The following PLXNA4 variants were observed in gnomAD, a reference collection of about 807,000 sequenced individuals.
PLXNA4 encodes plexin-A4.
In PLXNA4, 44 loss-of-function variants were observed where a neutral mutation model predicts 191.8. The ratio of observed to expected loss-of-function variants is 0.23; its 90% CI spans 0.18 to 0.29. The LOEUF (loss-of-function observed/expected upper bound fraction) is 0.29, where lower values mean the gene tolerates loss of function less well. Ranked by LOEUF, PLXNA4 falls within the 10% of genes least tolerant of loss-of-function variation. PLXNA4 has a pLI of 1.00. For synonymous variants in PLXNA4, 1,082 were observed against 1,009.5 expected, an observed-to-expected ratio of 1.07 and a Z score of -1.36; for missense variants, 1,800 against 2,488.8, an observed-to-expected ratio of 0.72 and a Z score of 5.89.
At chr7:132,157,841 C>T (rs1049511345) in intron 25 of PLXNA4, among the ~76,000 whole-genome samples, 1 of 152,210 alleles carries the variant, frequency 6.6e-6, no homozygotes, top group African/African-American at 2.4e-5. Context: ...ACGTGGGGAA[C>T]ACAAAAATCC....
intron 10 of PLXNA4, among the ~76,000 whole-genome samples, chr7:132,208,917 C>A (rs1797712080): frequency 6.6e-6 from 1 of 152,166 alleles, no homozygotes; most frequent in Non-Finnish European, 1.5e-5. Context: ...GATTTCACAC[C>A]CACGTTCGGG....
chr7:132,443,101 C>A (rs1000813391), intron 3 of PLXNA4, among the ~76,000 whole-genome samples: 2 of 152,208 alleles, frequency 1.3e-5, no homozygotes, highest in Non-Finnish European at 2.9e-5. Flanking sequence ...TCAGACCTCT[C>A]CATGCTTTTC....
chr7:132,623,773 G>C lies in PLXNA4; in HGVS notation c.-87+22155C>G, dbSNP rs114192081. On this transcript the variant is annotated intron_variant, in intron 2 of 4. Coordinates refer to the PLXNA4 transcript ENST00000378539. ...TACAGGTGACCCATCCAAAAGTCTA[G>C]CAGGAAGCAACCCCCAGGTTGTACA... Among the ~76,000 whole-genome samples the C allele has an allele frequency of 6.2e-3, 941 of 152,294 alleles. 6 individuals are homozygous for C. The highest frequency in any genetic ancestry group is 0.022 in the African/African-American group (910 of 41,542).
chr7:132,472,212 C>G (rs1254951104), intron 3 of PLXNA4, among the ~76,000 whole-genome samples: 1 of 152,032 alleles, frequency 6.6e-6, no homozygotes, highest in Non-Finnish European at 1.5e-5. Flanking sequence ...TACTTTTTTC[C>G]CCATATCTTC....
rs1794734222 is a variant in PLXNA4 at position 132,125,127 on chromosome 7, T to A, written c.*5352A>T. The A allele has an allele frequency of 6.6e-6, 1 of 152,136 alleles. No individual in the cohort carries two copies. Among genetic ancestry groups the A allele is most frequent in the Non-Finnish European group, 1.5e-5 (1 of 68,020 alleles). 9.4% of individuals were successfully genotyped at this position (152,136 alleles called of 1,614,324 possible). ...GAGGAGTGGTCATTTAGGTTTCCTG[T>A]CAAGAGCATGCCACCCTTAGCACCA... On this transcript the variant is annotated 3_prime_UTR_variant, in exon 32 of 32. Transcript: ENST00000321063.
intron 1 of PLXNA4, among the ~76,000 whole-genome samples, chr7:132,518,831 G>A (rs1263033242): frequency 1.3e-5 from 2 of 152,086 alleles, no homozygotes; most frequent in African/African-American, 4.8e-5. Context: ...TGGTTTCCAC[G>A]CCCTCCTTCC....
intron 2 of PLXNA4, among the ~76,000 whole-genome samples, chr7:132,492,022 T>C (rs1192142225): frequency 6.6e-6 from 1 of 152,124 alleles, no homozygotes; most frequent in Non-Finnish European, 1.5e-5. Context: ...CTGCTTCTGG[T>C]TCACAAGGAG....
intron 3 of PLXNA4, among the ~76,000 whole-genome samples, chr7:132,320,541 T>G: frequency 6.6e-6 from 1 of 152,240 alleles, no homozygotes; most frequent in Non-Finnish European, 1.5e-5. Context: ...TTTGGGGAGA[T>G]ACAGTTCAAC....
At chr7:132,217,164 C>T (rs1562972500) in intron 9 of PLXNA4, among the ~76,000 whole-genome samples, 1 of 152,238 alleles carries the variant, frequency 6.6e-6, no homozygotes, top group Non-Finnish European at 1.5e-5. Context: ...GAAATGCACA[C>T]AAAATACAAA....
chr7:132,324,749 G>A (rs528401780), intron 3 of PLXNA4, among the ~76,000 whole-genome samples: 2 of 152,308 alleles, frequency 1.3e-5, no homozygotes, highest in South Asian at 4.1e-4. Flanking sequence ...GGGTGAATGG[G>A]AGCGATGCCT....
chr7:132,310,226 A>G (rs1183229994), intron 3 of PLXNA4, among the ~76,000 whole-genome samples: 1 of 152,242 alleles, frequency 6.6e-6, no homozygotes, highest in Non-Finnish European at 1.5e-5. Context: ...CATCAGGTGA[A>G]TTGTGAAATG....
chr7:132,187,785 C>T (rs1796928723), intron 14 of PLXNA4, among the ~76,000 whole-genome samples, 178 bp from the exon 15 acceptor site: 2 of 152,050 alleles, frequency 1.3e-5, no homozygotes. Flanking sequence ...TGTTCCAGAC[C>T]CTGAGAGTTT....
intron 3 of PLXNA4, among the ~76,000 whole-genome samples, chr7:132,412,328 T>C (rs1257923568): frequency 6.6e-6 from 1 of 152,250 alleles, no homozygotes; most frequent in Non-Finnish European, 1.5e-5. Flanking sequence ...GTATGCCTAC[T>C]ATGCTCCAAG....
intron 3 of PLXNA4, among the ~76,000 whole-genome samples, chr7:132,425,912 C>T (rs1256878248): frequency 3.3e-5 from 5 of 152,218 alleles, no homozygotes; most frequent in African/African-American, 2.4e-5. Context: ...CTGCAGCCCT[C>T]GGGCCTCCTG....
chr7:132,602,568 A>G (rs1347431720), intron 2 of PLXNA4, among the ~76,000 whole-genome samples: 1 of 152,140 alleles, frequency 6.6e-6, no homozygotes, highest in Non-Finnish European at 1.5e-5. Context: ...TGCACTCAAG[A>G]CCCAAACAAG....
chr7:132,136,199 G>T (rs978571873), intron 30 of PLXNA4, among the ~76,000 whole-genome samples: 3 of 152,134 alleles, frequency 2.0e-5, no homozygotes, highest in African/African-American at 7.2e-5. Context: ...CTTCCTTCTC[G>T]CTCCTGTTGT....
intron 3 of PLXNA4, among the ~76,000 whole-genome samples, chr7:132,443,452 T>C (rs1415983426): frequency 1.3e-5 from 2 of 152,214 alleles, no homozygotes; most frequent in East Asian, 3.9e-4. Context: ...CTTTCCTCAG[T>C]GCAAACGAGA....
intron 2 of PLXNA4, among the ~76,000 whole-genome samples, chr7:132,643,096 G>C (rs1223210095): frequency 6.6e-6 from 1 of 152,112 alleles, no homozygotes; most frequent in African/African-American, 2.4e-5. Flanking sequence ...CCTGCAGGAG[G>C]AGGAGGGGGA....
At chr7:132,563,483 C>T (rs1445241954) in intron 1 of PLXNA4, among the ~76,000 whole-genome samples, 1 of 97,476 alleles carries the variant, frequency 1.0e-5, no homozygotes. Flanking sequence ...TTCTGCTGCT[C>T]CTCCTCCTCC....
Sources: allele counts gnomAD v4.1 joint callset (sites outside exome capture counted in the v4.1 genomes callset), GRCh38; gene constraint gnomAD v4.1.1; transcripts MANE v1.5; gene names NCBI Gene and HGNC (gene_info 2026-07-23, HGNC 2026-07-21).